MYO5A: variants seen among roughly 807,000 people sequenced by gnomAD.
The protein encoded by MYO5A is myosin VA, also known as unconventional myosin-Va.
In MYO5A, 98 loss-of-function variants were observed where a neutral mutation model predicts 249.7. The ratio of observed to expected loss-of-function variants is 0.39; its 90% CI spans 0.33 to 0.46. The LOEUF (loss-of-function observed/expected upper bound fraction) is 0.46, where lower values mean the gene tolerates loss of function less well. Ranked by LOEUF, MYO5A falls within the 20% of genes least tolerant of loss-of-function variation. MYO5A has a pLI of 0.98. For synonymous variants in MYO5A, 778 were observed against 810.6 expected, an observed-to-expected ratio of 0.96 and a Z score of 0.68; for missense variants, 1,696 against 2,308.8, an observed-to-expected ratio of 0.73 and a Z score of 5.44.
intron 25 of MYO5A, among the ~76,000 whole-genome samples, chr15:52,354,661 C>T (rs2040121513): frequency 1.3e-5 from 2 of 152,142 alleles, no homozygotes; most frequent in Non-Finnish European, 2.9e-5. Flanking sequence ...CAAGACCAGC[C>T]TGACCAACAC....
chr15:52,401,435 C>T (rs887113129), intron 9 of MYO5A, among the ~76,000 whole-genome samples: 8 of 152,102 alleles, frequency 5.3e-5, no homozygotes, highest in African/African-American at 1.2e-4. Context: ...GATATTTTAA[C>T]GGGATATATA....
rs1390584972 is a variant in MYO5A at position 52,396,290 on chromosome 15, T to C, written c.1401+26A>G. On this transcript the variant is annotated intron_variant, in intron 11 of 41. Transcript: ENST00000399233. Reference sequence around the variant, plus strand: ...TTCAAGAGAATAATTTATAGCAGAGTATTATTCAAGGAAGAACATTCTTAC... The same window carrying C: ...TTCAAGAGAATAATTTATAGCAGAGCATTATTCAAGGAAGAACATTCTTAC... 3.2e-6 allele frequency: 4 copies of C among 1,260,252 alleles called. No individual in the cohort carries two copies. In the Admixed American group the frequency reaches 5.4e-5, roughly 17 times the overall value. The allele number at this position is 1,260,252 out of a possible 1,614,324, so 78.1% of individuals were successfully genotyped here.
chr15:52,492,465 A>G (rs2076953775), intron 1 of MYO5A, among the ~76,000 whole-genome samples: 1 of 152,234 alleles, frequency 6.6e-6, no homozygotes, highest in Admixed American at 6.5e-5. Context: ...TACTGAGGAC[A>G]GGTTACATAG....
At chr15:52,467,463 T>C (rs1333838892) in intron 1 of MYO5A, among the ~76,000 whole-genome samples, 2 of 152,014 alleles carry the variant, frequency 1.3e-5, no homozygotes, top group African/African-American at 4.8e-5. Flanking sequence ...TCTTTTGAAA[T>C]AACATAATCA....
At chr15:52,517,757 T>A (rs574526618) in intron 1 of MYO5A, among the ~76,000 whole-genome samples, 1 of 152,310 alleles carries the variant, frequency 6.6e-6, no homozygotes, top group African/African-American at 2.4e-5. Context: ...TATTTATTGA[T>A]ATAAATTCTC....
chr15:52,521,227 C>A (rs1245625460), intron 1 of MYO5A, among the ~76,000 whole-genome samples: 26 of 137,894 alleles, frequency 1.9e-4, no homozygotes, highest in African/African-American at 6.8e-4. Flanking sequence ...GACTCTGTCT[C>A]AAAAAAAAAA....
rs2037669708 is a variant in MYO5A, at chr15:52,307,959, A to G, written c.*5737T>C. ...AAAAAATTCACCATTTGTTGGGAAA[A>G]AATAATGGCTCAAATGATTTACGGA... On this transcript the variant is annotated 3_prime_UTR_variant, in exon 42 of 42. Coordinates refer to ENST00000399233, the MANE Select transcript of MYO5A (RefSeq NM_001382347.1). The G allele has an allele frequency of 6.6e-6, 1 of 152,182 alleles. No individual in the cohort carries two copies. Among genetic ancestry groups the G allele is most frequent in the African/African-American group, 2.4e-5 (1 of 41,456 alleles). The allele number at this position is 152,182 out of a possible 1,614,324, so 9.4% of individuals were successfully genotyped here.
intron 30 of MYO5A, among the ~76,000 whole-genome samples, chr15:52,344,346 G>A (rs2039517141): frequency 6.6e-6 from 1 of 152,066 alleles, no homozygotes; most frequent in South Asian, 2.1e-4. Flanking sequence ...AAATCCATAT[G>A]TATAAATCTA....
intron 16 of MYO5A, among the ~76,000 whole-genome samples, chr15:52,381,766 T>C (rs1377894649): frequency 1.4e-5 from 1 of 69,204 alleles, no homozygotes; most frequent in East Asian, 3.9e-4. Flanking sequence ...CTTTTGTGTC[T>C]CTCTCTCTCT....
At chr15:52,366,992 G>T (rs1053759597) in intron 23 of MYO5A, 39 bp downstream of exon 23, 3 of 1,462,180 alleles carry the variant, frequency 2.1e-6, no homozygotes, top group African/African-American at 2.8e-5. Flanking sequence ...TAACTTTGGT[G>T]TGAGGTTGGT....
chr15:52,436,410 T>C (rs1413166789), intron 1 of MYO5A, among the ~76,000 whole-genome samples: 1 of 152,252 alleles, frequency 6.6e-6, no homozygotes, highest in African/African-American at 2.4e-5. Flanking sequence ...CCCTCTATAA[T>C]GTACTTCTCC....
intron 1 of MYO5A, among the ~76,000 whole-genome samples, chr15:52,464,035 C>T (rs2076305328): frequency 6.6e-6 from 1 of 152,204 alleles, no homozygotes; most frequent in South Asian, 2.1e-4. Context: ...AACTGTGTGA[C>T]CTTGAACAAT....
At chr15:52,316,596 C>T (rs1015847835) in intron 40 of MYO5A, among the ~76,000 whole-genome samples, 1 of 152,062 alleles carries the variant, frequency 6.6e-6, no homozygotes, top group Non-Finnish European at 1.5e-5. Context: ...AAATATGGTG[C>T]CTTGAGATGG....
At chr15:52,397,556 T>C (rs963722768) in intron 9 of MYO5A, 90 bp from the exon 10 acceptor site, 202 of 1,461,648 alleles carry the variant, frequency 1.4e-4, no homozygotes, top group South Asian at 4.9e-4. Flanking sequence ...ACAAATAAAA[T>C]TCAGCAATTT....
intron 38 of MYO5A, 65 bp from the exon 39 acceptor site, chr15:52,319,407 C>G (rs1018394370): frequency 1.2e-5 from 18 of 1,483,460 alleles, no homozygotes; most frequent in Non-Finnish European, 1.7e-5. Flanking sequence ...TGCACATATC[C>G]ATGTGCACAA....
At position 52,478,434 on chromosome 15, in the gene MYO5A, G is replaced by A. The variant is rs372887467; in HGVS notation, c.28-45149C>T. The stretch of plus-strand genomic sequence containing the variant: ...ACCCACTGTCCTGCACCCACTGTCC[G>A]ACAAGCCCCAGTGAGATGAACCCGG... On this transcript the variant is annotated intron_variant, in intron 1 of 41. Transcript: ENST00000399233. Among the ~76,000 whole-genome samples the A allele has an allele frequency of 2.6e-4, 39 of 152,226 alleles. No homozygotes were observed. In the South Asian group the frequency reaches 3.7e-3, roughly 15 times the overall value.
In MYO5A at chr15:52,309,219, T is replaced by C. The variant is rs2037706141; in HGVS notation, c.*4477A>G. 1 of 152,306 alleles carries C rather than the reference T, an allele frequency of 6.6e-6. No homozygotes were observed. The highest frequency in any genetic ancestry group is 1.5e-5 in the Non-Finnish European group (1 of 68,104). The allele number at this position is 152,306 out of a possible 1,614,324, so 9.4% of individuals were successfully genotyped here. A position where few individuals can be genotyped will look rare whatever the true frequency, so the allele number is the denominator to read the frequency against. ...TCCTGTCTTTTTGGTTGAGACAACC[T>C]GCTACCAATTAATGCCCAAACAGAG... is the stretch of plus-strand genomic sequence containing the variant. On this transcript the variant is annotated 3_prime_UTR_variant, in exon 42 of 42. Transcript: ENST00000399233.
At chr15:52,359,358 A>C (rs1284927295) in intron 25 of MYO5A, among the ~76,000 whole-genome samples, 1 of 152,218 alleles carries the variant, frequency 6.6e-6, no homozygotes, top group African/African-American at 2.4e-5. Context: ...TCTAACTAAA[A>C]GTCACTATAC....
At chr15:52,441,380 G>T (rs57505385) in intron 1 of MYO5A, among the ~76,000 whole-genome samples, 21,827 of 151,944 alleles carry the variant, frequency 0.14, 1,676 homozygotes, top group Middle Eastern at 0.2. Flanking sequence ...ATGACGTAAT[G>T]AACTTCCATA....
Sources: gnomAD v4.1 joint callset for allele counts (sites outside exome capture counted in the v4.1 genomes callset) on GRCh38, gnomAD v4.1.1 for gene constraint, MANE v1.5 for transcripts, NCBI Gene and HGNC (gene_info 2026-07-23, HGNC 2026-07-21) for gene names.